Variants in DAB2IP observed in about 807,000 individuals in gnomAD.
DAB2IP encodes disabled homolog 2-interacting protein.
In DAB2IP, 28 loss-of-function variants were observed where a neutral mutation model predicts 107.2. The ratio of observed to expected loss-of-function variants is 0.26; its 90% CI spans 0.19 to 0.36. The LOEUF is 0.36. DAB2IP is among the 10% of genes least tolerant of loss of function. The pLI is 1.00. For missense variants in DAB2IP, 1,400 were observed against 1,644.7 expected (o/e 0.85, Z 2.57); for synonymous variants, 755 against 706.4 (o/e 1.07, Z -1.09).
intron 1 of DAB2IP, among the ~76,000 whole-genome samples, chr9:121,616,740 G>C (rs942419758): frequency 1.3e-5 from 2 of 152,218 alleles, no homozygotes; most frequent in East Asian, 3.8e-4. Flanking sequence ...CTGAGTACCG[G>C]CCCTGGCCCG....
chr9:121,756,730 C>T (rs574669518), intron 3 of DAB2IP, among the ~76,000 whole-genome samples: 17 of 152,360 alleles, frequency 1.1e-4, no homozygotes, highest in Admixed American at 9.1e-4. Context: ...GCCCAGGCCC[C>T]GCAGGCTCAC....
chr9:121,671,412 A>G (rs2119117569), intron 1 of DAB2IP, among the ~76,000 whole-genome samples: 1 of 152,298 alleles, frequency 6.6e-6, no homozygotes, highest in African/African-American at 2.4e-5. Flanking sequence ...CCATCTCAAA[A>G]TCCTTAACCT....
At chr9:121,624,945 C>T (rs935250191) in intron 1 of DAB2IP, among the ~76,000 whole-genome samples, 1 of 152,084 alleles carries the variant, frequency 6.6e-6, no homozygotes, top group Admixed American at 6.6e-5. Context: ...GAGAAGAGCA[C>T]GCTGCTATAA....
intron 1 of DAB2IP, among the ~76,000 whole-genome samples, chr9:121,640,038 A>G (rs1832225149): frequency 6.6e-6 from 1 of 152,164 alleles, no homozygotes. Flanking sequence ...GCATCAGGGG[A>G]ACAGGGGCCC....
At chr9:121,733,060 A>G (rs746020535) in intron 3 of DAB2IP, among the ~76,000 whole-genome samples, 4 of 152,240 alleles carry the variant, frequency 2.6e-5, no homozygotes, top group South Asian at 2.1e-4. Flanking sequence ...GCTAAGTACA[A>G]CTGGTCTCTT....
chr9:121,746,727 C>T (rs1832747811), intron 3 of DAB2IP, among the ~76,000 whole-genome samples: 1 of 152,208 alleles, frequency 6.6e-6, no homozygotes, highest in African/African-American at 2.4e-5. Flanking sequence ...TTAGATAAGC[C>T]AGAGGGGAAG....
intron 3 of DAB2IP, chr9:121,753,186 T>C (rs1833246691): frequency 6.6e-6 from 1 of 152,136 alleles, no homozygotes; most frequent in African/African-American, 2.4e-5. Flanking sequence ...CTTCTGTAGG[T>C]AGTAGAGGTG....
At chr9:121,618,445 C>T (rs1831353995) in intron 1 of DAB2IP, among the ~76,000 whole-genome samples, 1 of 152,110 alleles carries the variant, frequency 6.6e-6, no homozygotes, top group African/African-American at 2.4e-5. Flanking sequence ...ACTGCAACCT[C>T]AGCCTCCCAG....
At chr9:121,718,853 G>T (rs1354812431) in intron 3 of DAB2IP, among the ~76,000 whole-genome samples, 1 of 152,118 alleles carries the variant, frequency 6.6e-6, no homozygotes, top group Non-Finnish European at 1.5e-5. Context: ...CTGTCTTTCA[G>T]ATCCTAGCTC....
At chr9:121,679,825 G>C (rs1828489594) in intron 2 of DAB2IP, among the ~76,000 whole-genome samples, 1 of 151,854 alleles carries the variant, frequency 6.6e-6, no homozygotes, top group Non-Finnish European at 1.5e-5. Flanking sequence ...GCATCTTGAA[G>C]GGTCCGTAGA....
chr9:121,766,413 G>A, intron 8 of DAB2IP, 81 bp from the exon 9 acceptor site: 3 of 1,347,426 alleles, frequency 2.2e-6, no homozygotes, highest in Admixed American at 1.8e-5. Flanking sequence ...GCCAAGGTTG[G>A]AATGCAGGTT....
Position 121,699,820 on chromosome 9 carries a change from C to T in DAB2IP, c.362+362C>T, listed in dbSNP as rs543152815. 1.3e-5 allele frequency among the ~76,000 whole-genome samples: 2 copies of T among 152,328 alleles called. No homozygotes were observed. Among genetic ancestry groups the T allele is most frequent in the Admixed American group, 1.3e-4 (2 of 15,314 alleles). ...CCGGGGACGGAAGTGGGGCCTCTGC[C>T]GCCAGGACCCATCCCCCTGCCTTGG... On this transcript the variant is annotated intron_variant, in intron 3 of 15. Transcript: ENST00000408936. This position sits in a 1 kb window ranked among gnomAD's most constrained non-coding sequence, Gnocchi z 6.2.
chr9:121,691,095 C>T (rs1177882056), intron 2 of DAB2IP, among the ~76,000 whole-genome samples: 1 of 152,186 alleles, frequency 6.6e-6, no homozygotes, highest in African/African-American at 2.4e-5. Context: ...TTAAAAAGCC[C>T]CACAGAGCAC....
intron 1 of DAB2IP, among the ~76,000 whole-genome samples, chr9:121,573,385 TTTTG>T (rs1439573355): frequency 6.6e-6 from 1 of 150,664 alleles, no homozygotes; most frequent in African/African-American, 2.5e-5. Context: ...CATTTTTTTG[TTTTG>T]TTTTTTGTTT....
In DAB2IP at chr9:121,639,679, G is replaced by T. The variant is rs187702036; in HGVS notation, c.41-38999G>T. On this transcript the variant is annotated intron_variant, in intron 1 of 16. Transcript: ENST00000259371. ...GCCTCAGTTTGCCCATCTGTACCAT[G>T]AGGTTTATAACCCCTCCCTGCCTGC... is the stretch of plus-strand genomic sequence containing the variant. 2.1e-3 allele frequency among the ~76,000 whole-genome samples: 313 copies of T among 152,272 alleles called. 3 individuals are homozygous for T. The highest frequency in any genetic ancestry group is 6.9e-3 in the African/African-American group (286 of 41,540).
chr9:121,621,260 G>A (rs941937961), intron 1 of DAB2IP, among the ~76,000 whole-genome samples: 1 of 152,110 alleles, frequency 6.6e-6, no homozygotes, highest in African/African-American at 2.4e-5. Flanking sequence ...TGGTCTGAGG[G>A]GTCCCTCCCT....
chr9:121,776,547 A>T lies in DAB2IP; in HGVS notation c.3314+156A>T, dbSNP rs1835213360. ...TCTGGGCAGTGGGAGCAGCGTGAGC[A>T]CAGGCCTGGAGGCAGGAGGTGGCCT... On this transcript the variant is annotated intron_variant, in intron 14 of 15. Coordinates refer to ENST00000408936, the Ensembl canonical transcript of DAB2IP. The surrounding 1 kb of genome is among the most constrained non-coding windows in gnomAD (Gnocchi z 5.4). Among the ~76,000 whole-genome samples the T allele has an allele frequency of 6.6e-6, 1 of 152,018 alleles. No homozygotes were observed. The highest frequency in any genetic ancestry group is 1.5e-5 in the Non-Finnish European group (1 of 67,982).
intron 1 of DAB2IP, among the ~76,000 whole-genome samples, chr9:121,672,937 G>C (rs552820391): frequency 1.3e-5 from 2 of 152,226 alleles, no homozygotes; most frequent in Non-Finnish European, 2.9e-5. Context: ...AAGATTTGCT[G>C]CAAAATGAAA....
intron 1 of DAB2IP, among the ~76,000 whole-genome samples, chr9:121,616,022 G>A (rs1831264032): frequency 6.6e-6 from 1 of 152,154 alleles, no homozygotes; most frequent in Non-Finnish European, 1.5e-5. Context: ...ATGTGTAACA[G>A]GAGCCTTGGG....
Sources: allele counts gnomAD v4.1 joint callset (sites outside exome capture counted in the v4.1 genomes callset), GRCh38; gene constraint gnomAD v4.1.1; non-coding constraint Gnocchi (gnomAD v3.1); transcripts MANE v1.5; gene names NCBI Gene and HGNC (gene_info 2026-07-23, HGNC 2026-07-21).